The following ESR1 variants were observed in gnomAD, a reference collection of about 807,000 sequenced individuals.
The protein encoded by ESR1 is estrogen receptor.
A neutral mutation model predicts 52.7 loss-of-function variants in ESR1; 12 were observed. The ratio of observed to expected loss-of-function variants is 0.23; its 90% CI spans 0.15 to 0.37. The LOEUF is 0.37. ESR1 is among the 10% of genes least tolerant of loss of function. The pLI is 1.00. For synonymous variants in ESR1, 305 were observed against 316.8 expected, an observed-to-expected ratio of 0.96 and a Z score of 0.39; for missense variants, 584 against 779.7, an observed-to-expected ratio of 0.75 and a Z score of 2.99.
At chr6:151,825,699 G>A (rs76355241) in intron 1 of ESR1, among the ~76,000 whole-genome samples, 2 of 152,056 alleles carry the variant, frequency 1.3e-5, no homozygotes, top group African/African-American at 4.8e-5. Context: ...ACCACCTGAG[G>A]TCAGGAGTTT....
chr6:151,978,354 T>A (rs1423335358), intron 4 of ESR1, among the ~76,000 whole-genome samples: 1 of 152,030 alleles, frequency 6.6e-6, no homozygotes, highest in African/African-American at 2.4e-5. Flanking sequence ...AGATGGTCAA[T>A]ACGAACATTA....
At chr6:151,682,247 A>G (rs1778488767) in intron 1 of ESR1, among the ~76,000 whole-genome samples, 1 of 152,202 alleles carries the variant, frequency 6.6e-6, no homozygotes, top group Non-Finnish European at 1.5e-5. Context: ...TGAGAAAAAT[A>G]AATGGCACCA....
chr6:151,887,290 C>T (rs1223683491), intron 3 of ESR1, among the ~76,000 whole-genome samples: 2 of 151,570 alleles, frequency 1.3e-5, no homozygotes, highest in Non-Finnish European at 2.9e-5. Flanking sequence ...TTGTTTTAAG[C>T]AGTAATCTAA....
chr6:152,107,394 T>C (rs1436443742), downstream of ESR1, among the ~76,000 whole-genome samples: 1 of 152,216 alleles, frequency 6.6e-6, no homozygotes, highest in Non-Finnish European at 1.5e-5. Context: ...GGTTGAGCTC[T>C]TCTAGTGAAT....
In ESR1 at chr6:152,099,983, G is replaced by T. The variant is rs2050905811; in HGVS notation, c.*1017G>T. On this transcript the variant is annotated 3_prime_UTR_variant, in exon 8 of 8. Transcript: ENST00000206249. Reference sequence around the variant, plus strand: ...GTTGCATTTAGCCCTGGGGCATGGAGCTGAACAGTACTTGTGCAGGATTGT... The same window carrying T: ...GTTGCATTTAGCCCTGGGGCATGGATCTGAACAGTACTTGTGCAGGATTGT... 2 of 398,870 alleles carry T rather than the reference G, an allele frequency of 5.0e-6. No homozygotes were observed. The highest frequency in any genetic ancestry group is 8.8e-6 in the Non-Finnish European group (2 of 226,420). The allele number at this position is 398,870 out of a possible 1,614,324, so 24.7% of individuals were successfully genotyped here. A position where few individuals can be genotyped will look rare whatever the true frequency, so the allele number is the denominator to read the frequency against.
At chr6:151,893,458 TG>T (rs1794994286) in intron 3 of ESR1, among the ~76,000 whole-genome samples, 1 of 151,766 alleles carries the variant, frequency 6.6e-6, no homozygotes, top group Non-Finnish European at 1.5e-5. Context: ...TATATTTAGG[TG>T]ATTATATTTT....
At chr6:152,037,328 A>G (rs2045394384) in intron 5 of ESR1, among the ~76,000 whole-genome samples, 1 of 152,186 alleles carries the variant, frequency 6.6e-6, no homozygotes, top group Non-Finnish European at 1.5e-5. Context: ...TGAGGAAAAC[A>G]TGTTTAGCCA....
chr6:151,725,439 A>C (rs2128028802), intron 2 of ESR1, among the ~76,000 whole-genome samples: 1 of 152,194 alleles, frequency 6.6e-6, no homozygotes. Flanking sequence ...GGAAATCTTG[A>C]GTCTATGTTC....
intron 2 of ESR1, among the ~76,000 whole-genome samples, chr6:151,764,141 G>A (rs1218132482): frequency 2.6e-5 from 4 of 152,192 alleles, no homozygotes; most frequent in Non-Finnish European, 4.4e-5. Flanking sequence ...GCTCGGGACC[G>A]GGGTTTCCTG....
At chr6:151,830,830 G>A (rs17761320) in intron 1 of ESR1, among the ~76,000 whole-genome samples, 4,229 of 152,102 alleles carry the variant, frequency 0.028, 79 homozygotes, top group Non-Finnish European at 0.043. Flanking sequence ...ACATTTTACC[G>A]AGAGCCTTAA....
chr6:151,673,990 A>G (rs1262789623), intron 1 of ESR1, among the ~76,000 whole-genome samples: 1 of 152,166 alleles, frequency 6.6e-6, no homozygotes, highest in Non-Finnish European at 1.5e-5. Context: ...ATTTTTCTCC[A>G]TTATAAAAGA....
intron 5 of ESR1, among the ~76,000 whole-genome samples, chr6:152,016,584 T>C (rs1002021849): frequency 6.6e-6 from 1 of 152,160 alleles, no homozygotes; most frequent in Admixed American, 6.5e-5. Flanking sequence ...GAAGATGGCT[T>C]CTGAGTGACA....
At chr6:151,843,721 C>CA (rs1454097528) in intron 2 of ESR1, among the ~76,000 whole-genome samples, 1 of 152,092 alleles carries the variant, frequency 6.6e-6, no homozygotes, top group Non-Finnish European at 1.5e-5. Context: ...ATGGAGTTTT[C>CA]ATGTGATTCC....
intron 4 of ESR1, among the ~76,000 whole-genome samples, chr6:151,962,337 G>A (rs555366469): frequency 1.3e-5 from 2 of 152,154 alleles, no homozygotes; most frequent in South Asian, 2.1e-4. Context: ...GGTTACCTAA[G>A]CCATCATAGT....
intron 2 of ESR1, among the ~76,000 whole-genome samples, chr6:151,782,051 G>A (rs369714407): frequency 2.0e-5 from 3 of 152,302 alleles, no homozygotes; most frequent in East Asian, 1.9e-4. Context: ...TTCTAGACAG[G>A]TCAATCATGG....
At chr6:151,699,802 C>T (rs1167308875) in intron 1 of ESR1, among the ~76,000 whole-genome samples, 1 of 152,162 alleles carries the variant, frequency 6.6e-6, no homozygotes. Context: ...AAGGAAAATG[C>T]TGGCTCTTTC....
chr6:151,859,225 C>T (rs752347798), intron 2 of ESR1, among the ~76,000 whole-genome samples: 2 of 152,062 alleles, frequency 1.3e-5, no homozygotes, highest in Non-Finnish European at 2.9e-5. Flanking sequence ...TATTTTATCA[C>T]AATTTGTAAC....
intron 3 of ESR1, among the ~76,000 whole-genome samples, chr6:151,887,991 T>G (rs1794134801): frequency 6.6e-6 from 1 of 152,194 alleles, no homozygotes; most frequent in African/African-American, 2.4e-5. Flanking sequence ...AAAAATTAAT[T>G]GGCTCTAAAT....
At chr6:151,786,606 A>G (rs189287249) in intron 2 of ESR1, among the ~76,000 whole-genome samples, 2 of 152,256 alleles carry the variant, frequency 1.3e-5, no homozygotes, top group African/African-American at 2.4e-5. Flanking sequence ...GTAAAAACTG[A>G]ACCTCTTAGT....
Sources: allele counts gnomAD v4.1 joint callset (sites outside exome capture counted in the v4.1 genomes callset), GRCh38; gene constraint gnomAD v4.1.1; transcripts MANE v1.5; gene names NCBI Gene and HGNC (gene_info 2026-07-23, HGNC 2026-07-21).